TAF7L: variants seen among roughly 807,000 people sequenced by gnomAD.
The protein encoded by TAF7L is transcription initiation factor TFIID subunit 7-like.
A neutral mutation model predicts 30.2 loss-of-function variants in TAF7L; 6 were observed. The ratio of observed to expected loss-of-function variants is 0.20; its 90% CI spans 0.11 to 0.39. The LOEUF (loss-of-function observed/expected upper bound fraction) is 0.39, where lower values mean the gene tolerates loss of function less well. Among genes scored for constraint, TAF7L ranks in the 10% least tolerant of loss-of-function variants. The pLI is 1.00. For missense variants in TAF7L, 284 were observed against 277.1 expected (o/e 1.03, Z -0.18); for synonymous variants, 93 against 94.5 (o/e 0.98, Z 0.09).
chrX:101,281,885 C>CTTTTT, intron 5 of TAF7L, 110 bp from the exon 6 acceptor site: 4 of 443,814 alleles, frequency 9.0e-6, no homozygotes, highest in South Asian at 8.5e-5. Context: ...GACATCACTC[C>CTTTTT]TTTTTTTTTT....
intron 12 of TAF7L, 119 bp from the exon 13 acceptor site, chrX:101,269,356 T>TATC: frequency 1.6e-6 from 1 of 631,164 alleles, no homozygotes; most frequent in Non-Finnish European, 2.5e-6. Context: ...TTTATAAGGT[T>TATC]ATCTTAGTCT....
chrX:101,289,249 A>G (rs1286076083), intron 1 of TAF7L, among the ~76,000 whole-genome samples: 1 of 111,918 alleles, frequency 8.9e-6, no homozygotes, highest in Non-Finnish European at 1.9e-5. Flanking sequence ...TAAAGGCTGA[A>G]TAGTATTCAG....
intron 1 of TAF7L, among the ~76,000 whole-genome samples, chrX:101,289,808 C>T (rs1388951624): frequency 1.0e-4 from 11 of 108,150 alleles, no homozygotes; most frequent in East Asian, 6.4e-4. Flanking sequence ...AGGCTGGTCT[C>T]GAGCTCCTGA....
intron 5 of TAF7L, among the ~76,000 whole-genome samples, chrX:101,282,005 C>T (rs1924430268): frequency 9.2e-6 from 1 of 108,620 alleles, no homozygotes; most frequent in African/African-American, 3.4e-5. Context: ...CCTGCCTCAG[C>T]CTCCCGAGTA....
At chrX:101,290,412 A>G (rs1924755790) in intron 1 of TAF7L, among the ~76,000 whole-genome samples, 1 of 112,131 alleles carries the variant, frequency 8.9e-6, no homozygotes, top group South Asian at 3.7e-4. Context: ...CTGGGGGCTG[A>G]GCACATTCCC....
rs765314243 is a variant in TAF7L, at chrX:101,276,483, T to C, written c.737A>G (p.Asn246Ser). Residue 246 changes from asparagine (N) to serine (S), a missense_variant, in exon 10 of 13, where the codon AAT (asparagine) becomes AGT (serine). Coordinates refer to ENST00000356784, the MANE Select transcript of TAF7L (RefSeq NM_001168474.2). ...REMFSDSRSN[N>S]DDDEDEDDED... ...ATCATCCTCATCCTCATCATCATCATTGTTACTTCTAGAATCACTGAACAT... is the reference window on the plus strand; with the variant it reads ...ATCATCCTCATCCTCATCATCATCACTGTTACTTCTAGAATCACTGAACAT... 6.6e-6 allele frequency: 8 copies of C among 1,209,284 alleles called. No homozygotes were observed. The highest frequency in any genetic ancestry group is 3.5e-5 in the South Asian group (2 of 56,865).
At chrX:101,293,004 A>G (rs147300944), upstream of TAF7L, 121 of 1,208,837 alleles carry the variant, frequency 1.0e-4, no homozygotes, top group Non-Finnish European at 1.2e-4. Context: ...GTGTTGAATC[A>G]TTTTCTGAAG....
chrX:101,269,902 C>G (rs1273674705), intron 12 of TAF7L, among the ~76,000 whole-genome samples: 2 of 112,028 alleles, frequency 1.8e-5, no homozygotes, highest in African/African-American at 6.5e-5. Flanking sequence ...GAGGTCACAG[C>G]TCACTGTAGG....
At chrX:101,290,286 G>T (rs890566489) in intron 1 of TAF7L, among the ~76,000 whole-genome samples, 7 of 111,666 alleles carry the variant, frequency 6.3e-5, no homozygotes, top group African/African-American at 2.3e-4. Flanking sequence ...CATTATTTGT[G>T]ATTGTAATTT....
At chrX:101,288,301 C>T (rs1924677633) in intron 1 of TAF7L, among the ~76,000 whole-genome samples, 1 of 110,022 alleles carries the variant, frequency 9.1e-6, no homozygotes, top group Admixed American at 9.7e-5. Flanking sequence ...ACCACCACAC[C>T]TGGCTAATTT....
chrX:101,268,992 T>C lies in TAF7L; in HGVS notation c.*201A>G. 3.1e-6 allele frequency: 1 copy of C among 325,253 alleles called. No homozygotes were observed. Among genetic ancestry groups the C allele is most frequent in the Non-Finnish European group, 5.5e-6 (1 of 181,603 alleles). 26.8% of individuals were successfully genotyped at this position (325,253 alleles called of 1,213,427 possible). ...GAGAAAGTCTCATGGTCGAGTGGGG[T>C]CTTTAAGTCTACTACATTTTTATAC... is the stretch of plus-strand genomic sequence containing the variant. On this transcript the variant is annotated 3_prime_UTR_variant, in exon 13 of 13. Coordinates refer to ENST00000356784, the MANE Select transcript of TAF7L (RefSeq NM_001168474.2).
At chrX:101,293,032 T>A (rs1569278881), upstream of TAF7L, 1 of 1,211,449 alleles carries the variant, frequency 8.3e-7, no homozygotes, top group Admixed American at 2.2e-5. Context: ...GAGCTGTCCC[T>A]CGGGGCACTC....
intron 3 of TAF7L, among the ~76,000 whole-genome samples, chrX:101,285,182 C>A (rs1352605906): frequency 9.0e-6 from 1 of 110,561 alleles, no homozygotes; most frequent in Admixed American, 9.7e-5. Context: ...TCTGAGGAAC[C>A]TCCATACCAT....
At chrX:101,292,843 T>C, upstream of TAF7L, 2 of 1,211,530 alleles carry the variant, frequency 1.7e-6, no homozygotes, top group Non-Finnish European at 2.2e-6. Flanking sequence ...GGCGCTGCTG[T>C]CCGCATCCGT....
chrX:101,281,598 A>G (rs1438881488), intron 6 of TAF7L, 122 bp downstream of exon 6: 6 of 673,241 alleles, frequency 8.9e-6, no homozygotes, highest in Non-Finnish European at 1.4e-5. Flanking sequence ...CACATTCAAT[A>G]AATGTTTATT....
upstream of TAF7L, chrX:101,291,380 C>T (rs1602965645): frequency 1.7e-5 from 10 of 581,389 alleles, no homozygotes; most frequent in Non-Finnish European, 2.1e-5. Context: ...CGCGCCGGCC[C>T]CTCCCCGCCT....
chrX:101,284,347 ACTTTT>A (rs1311584221), intron 3 of TAF7L, among the ~76,000 whole-genome samples: 2 of 111,738 alleles, frequency 1.8e-5, no homozygotes, highest in Admixed American at 9.5e-5. Flanking sequence ...CTCCTTTCGA[ACTTTT>A]CTTTTTCATT....
At chrX:101,277,060 A>AAT in intron 9 of TAF7L, among the ~76,000 whole-genome samples, 1 of 104,910 alleles carries the variant, frequency 9.5e-6, no homozygotes, top group Non-Finnish European at 2.0e-5. Context: ...GCTGAGGCAC[A>AAT]AGAACTACTT....
At chrX:101,277,151 CAAAAAAAAAA>C (rs35984328) in intron 9 of TAF7L, among the ~76,000 whole-genome samples, 1 of 16,032 alleles carries the variant, frequency 6.2e-5, no homozygotes, top group Non-Finnish European at 9.9e-5. Flanking sequence ...GACTCTGTCT[CAAAAAAAAAA>C]AAAAAAAAAA....
Sources: gnomAD v4.1 joint callset for allele counts (sites outside exome capture counted in the v4.1 genomes callset) on GRCh38, gnomAD v4.1.1 for gene constraint, MANE v1.5 for transcripts, NCBI Gene and HGNC (gene_info 2026-07-23, HGNC 2026-07-21) for gene names.